The following FUBP1 variants were observed in gnomAD, a reference collection of about 807,000 sequenced individuals.
FUBP1 encodes the protein far upstream element-binding protein 1.
FUBP1 carries 16 observed loss-of-function variants against 94.9 expected under a neutral mutation model. The observed-to-expected ratio is 0.17, with a 90% confidence interval of 0.11 to 0.26. The LOEUF is 0.26. Among genes scored for constraint, FUBP1 ranks in the 10% least tolerant of loss-of-function variants. FUBP1 has a pLI of 1.00. For missense variants in FUBP1, 583 were observed against 808.6 expected (o/e 0.72, Z 3.38); for synonymous variants, 279 against 254.9 (o/e 1.09, Z -0.90).
At chr1:77,948,798 A>G in intron 19 of FUBP1, 24 bp from the exon 20 acceptor site, 1 of 1,607,652 alleles carries the variant, frequency 6.2e-7, no homozygotes. Context: ...ATACATAAGA[A>G]ATACACAAAA....
At chr1:77,953,657 T>G (rs1653928062) in intron 18 of FUBP1, among the ~76,000 whole-genome samples, 2 of 152,018 alleles carry the variant, frequency 1.3e-5, no homozygotes, top group African/African-American at 4.8e-5. Flanking sequence ...CAAGACAGTA[T>G]AGTATAGTAT....
In FUBP1 at chr1:77,944,823, CTA is replaced by C. The variant is rs1300665112; in HGVS notation, c.*3941_*3942del. ...TTTATAAACAACTAGTATCAAATTA[CTA>C]GTTTTAGTATTAAAACCATTTTTTA... On this transcript the variant is annotated 3_prime_UTR_variant, in exon 20 of 20. Coordinates refer to ENST00000370768, the MANE Select transcript of FUBP1 (RefSeq NM_003902.5). 1.3e-5 allele frequency among the ~76,000 whole-genome samples: 2 copies of C among 151,878 alleles called. No individual in the cohort carries two copies. The highest frequency in any genetic ancestry group is 1.9e-4 in the East Asian group (1 of 5,192).
At chr1:77,967,546 A>G (rs994176542) in intron 4 of FUBP1, 81 bp downstream of exon 4, 24 of 987,624 alleles carry the variant, frequency 2.4e-5, no homozygotes, top group Non-Finnish European at 3.4e-5. Flanking sequence ...CACATATTCA[A>G]TATACACCAA....
chr1:77,968,642 C>CAA (rs796481917), intron 2 of FUBP1, among the ~76,000 whole-genome samples: 216 of 118,818 alleles, frequency 1.8e-3, no homozygotes, highest in African/African-American at 6.1e-3. Flanking sequence ...AAGCTATGCC[C>CAA]AAAAAAAAAA....
rs138606412 is a variant in FUBP1 at position 77,968,172 on chromosome 1, T to G, written c.243A>C (p.Gln81His). 466 of 1,536,358 alleles carry G rather than the reference T, an allele frequency of 3.0e-4. 3 individuals are homozygous for G. The African/African-American group carries it at 6.1e-3, about 20-fold the overall frequency. Residue 81 changes from glutamine to histidine, a missense_variant, in exon 3 of 20, where the codon CAA becomes CAC. Physicochemically the swap from Gln to His is conservative, Grantham distance 24. Coordinates refer to ENST00000370768, the MANE Select transcript of FUBP1 (RefSeq NM_003902.5). The part of the protein sequence containing the change: ...DQPDAKKVAP[Q>H]NDSFGTQLPP... Reference sequence around the variant, plus strand: ...TTTAAAAGGAATACTTACAGTCATTTTGAGGAGCAACTTTCTTAGCATCTG... The same window carrying G: ...TTTAAAAGGAATACTTACAGTCATTGTGAGGAGCAACTTTCTTAGCATCTG...
intron 1 of FUBP1, among the ~76,000 whole-genome samples, chr1:77,974,245 C>T (rs941433492): frequency 1.2e-4 from 18 of 151,104 alleles, no homozygotes; most frequent in African/African-American, 4.2e-4. Context: ...ACGCCATTCT[C>T]CTGCCTCAGT....
At chr1:77,958,370 T>A (rs977588047) in intron 16 of FUBP1, among the ~76,000 whole-genome samples, 1 of 152,250 alleles carries the variant, frequency 6.6e-6, no homozygotes, top group Non-Finnish European at 1.5e-5. Flanking sequence ...TAGTAAACTG[T>A]AGGACTAGGA....
intron 1 of FUBP1, among the ~76,000 whole-genome samples, chr1:77,972,594 CA>C (rs59360608): frequency 0.54 from 65,764 of 122,046 alleles, 16,236 homozygotes; most frequent in Admixed American, 0.63. Flanking sequence ...ACTAAAAATA[CA>C]AAAAAAAAAA....
At chr1:77,952,757 T>C (rs753148277) in intron 18 of FUBP1, among the ~76,000 whole-genome samples, 1 of 152,192 alleles carries the variant, frequency 6.6e-6, no homozygotes, top group Non-Finnish European at 1.5e-5. Flanking sequence ...AAAGAACTTT[T>C]ATAGAAAAAG....
intron 17 of FUBP1, 54 bp from the exon 18 acceptor site, chr1:77,955,383 T>C: frequency 9.1e-7 from 1 of 1,093,406 alleles, no homozygotes; most frequent in South Asian, 1.3e-5. Flanking sequence ...AAAAGGCAAT[T>C]TTGGCCGTTT....
intron 1 of FUBP1, 26 bp from the exon 2 acceptor site, chr1:77,970,041 T>A (rs762302948): frequency 8.2e-7 from 1 of 1,219,550 alleles, no homozygotes; most frequent in South Asian, 1.3e-5. Flanking sequence ...AAAAATACCA[T>A]CATAAACTAT....
At chr1:77,979,268 G>C (rs993212170), upstream of FUBP1, 3 of 450,518 alleles carry the variant, frequency 6.7e-6, no homozygotes, top group Non-Finnish European at 1.2e-5. Context: ...ATTTCTTTTG[G>C]CACCTCCTCT....
At chr1:77,967,880 GAAC>G (rs1415962676) in intron 3 of FUBP1, among the ~76,000 whole-genome samples, 1 of 152,070 alleles carries the variant, frequency 6.6e-6, no homozygotes, top group Non-Finnish European at 1.5e-5. Flanking sequence ...CAATGGCACA[GAAC>G]AAAATAATTT....
chr1:77,968,429 T>C (rs1222323025), intron 2 of FUBP1, among the ~76,000 whole-genome samples: 1 of 152,136 alleles, frequency 6.6e-6, no homozygotes, highest in Non-Finnish European at 1.5e-5. Flanking sequence ...AATAGTTATC[T>C]GATTCTTAAG....
At chr1:77,966,192 T>C (rs1022316911) in intron 7 of FUBP1, among the ~76,000 whole-genome samples, 1 of 152,184 alleles carries the variant, frequency 6.6e-6, no homozygotes, top group African/African-American at 2.4e-5. Context: ...CTGGTAGGTT[T>C]AGTGGTAGGG....
Position 77,949,202 on chromosome 1 carries a change from C to T in FUBP1, c.1879G>A (p.Ala627Thr). 1.2e-6 allele frequency: 2 copies of T among 1,613,488 alleles called. No individual in the cohort carries two copies. The highest frequency in any genetic ancestry group is 8.5e-7 in the Non-Finnish European group (1 of 1,179,476). ...EYYRQQAAYYAQTSPQGMPQH... is the reference protein window; with the variant it reads ...EYYRQQAAYYTQTSPQGMPQH... ...GGCATTCCCTGGGGACTTGTCTGGGCATAATAGGCTGCTTGTTGTCTATAA... is the reference window on the plus strand; with the variant it reads ...GGCATTCCCTGGGGACTTGTCTGGGTATAATAGGCTGCTTGTTGTCTATAA... Residue 627 changes from alanine (A) to threonine (T), a missense_variant, in exon 19 of 20, where the codon GCC becomes ACC. By Grantham distance (58) the Ala-to-Thr change is moderately conservative. Transcript: ENST00000370768.
chr1:77,963,842 CTAATAAG>C (rs1384003245), intron 12 of FUBP1, 127 bp from the exon 13 acceptor site: 25 of 773,850 alleles, frequency 3.2e-5, no homozygotes, highest in Non-Finnish European at 6.2e-6. Context: ...TGAACTGGCC[CTAATAAG>C]TAATAACATT....
intron 18 of FUBP1, among the ~76,000 whole-genome samples, chr1:77,953,661 A>G (rs1416254246): frequency 6.6e-6 from 1 of 152,170 alleles, no homozygotes; most frequent in East Asian, 1.9e-4. Flanking sequence ...ACAGTATAGT[A>G]TAGTATCTCT....
rs886928998 is a variant in FUBP1 at position 77,964,354 on chromosome 1, G to C, written c.840C>G (p.Val280=). Residue 280 remains valine (V), a splice_region_variant and synonymous_variant, in exon 11 of 20, where the codon GTC becomes GTG. Transcript: ENST00000370768. ...TGCCAACAGCAAATCTTGGAATGGG[G>C]ACCTTATGTAAAAAAGACTAAGTAT... ...SRIGGNEGID[V]PIPRFAVGIV... 6.4e-7 allele frequency: 1 copy of C among 1,562,428 alleles called. No individual in the cohort carries two copies.
Sources: gnomAD v4.1 joint callset for allele counts (sites outside exome capture counted in the v4.1 genomes callset) on GRCh38, gnomAD v4.1.1 for gene constraint, MANE v1.5 for transcripts, NCBI Gene and HGNC (gene_info 2026-07-23, HGNC 2026-07-21) for gene names.